Variants in SMC3 observed in about 807,000 individuals in gnomAD.
SMC3 encodes structural maintenance of chromosomes protein 3.
SMC3 carries 20 observed loss-of-function variants against 171.8 expected under a neutral mutation model. That is an observed-to-expected ratio of 0.12 (90% CI 0.08 to 0.17). The LOEUF is 0.17. Among genes scored for constraint, SMC3 ranks in the 10% least tolerant of loss-of-function variants. The pLI is 1.00. For missense variants in SMC3, 543 were observed against 1,420.4 expected (o/e 0.38, Z 9.93); for synonymous variants, 464 against 451.1 (o/e 1.03, Z -0.36).
chr10:110,596,369 CAGACCT>C, intron 18 of SMC3, 23 bp from the exon 19 acceptor site: 1 of 1,594,896 alleles, frequency 6.3e-7, no homozygotes, highest in South Asian at 1.1e-5. Flanking sequence ...AAAAGTTGTA[CAGACCT>C]ATTACATATG....
chr10:110,570,304 CTAA>C (rs1244692399), intron 2 of SMC3, among the ~76,000 whole-genome samples: 1 of 152,184 alleles, frequency 6.6e-6, no homozygotes, highest in African/African-American at 2.4e-5. Flanking sequence ...ATTCACATTA[CTAA>C]TGTTTCCAGA....
chr10:110,597,665 G>A (rs1861321292), intron 19 of SMC3, among the ~76,000 whole-genome samples: 1 of 152,216 alleles, frequency 6.6e-6, no homozygotes, highest in Non-Finnish European at 1.5e-5. Context: ...AAATACTGAG[G>A]AAAAGGAGGA....
In SMC3 at chr10:110,599,824, G is replaced by A. The variant is rs1339511823; in HGVS notation, c.2427+12G>A. On this transcript the variant is annotated intron_variant, in intron 21 of 28. Coordinates refer to ENST00000361804, the MANE Select transcript of SMC3 (RefSeq NM_005445.4). The stretch of plus-strand genomic sequence containing the variant: ...GTCAACTTCAGCAGGTAAGTAGACA[G>A]CTGACTGGAAAAAGAATTCGTTAGT... 2 of 1,613,466 alleles carry A rather than the reference G, an allele frequency of 1.2e-6. No homozygotes were observed. The highest frequency in any genetic ancestry group is 1.7e-6 in the Non-Finnish European group (2 of 1,179,572).
chr10:110,570,540 A>AT (rs1327716199), intron 2 of SMC3, among the ~76,000 whole-genome samples: 2 of 152,092 alleles, frequency 1.3e-5, no homozygotes, highest in South Asian at 4.1e-4. Context: ...GTACTTTCTG[A>AT]TTTTTTTCAT....
chr10:110,603,146 GA>G (rs753049863), intron 27 of SMC3, 37 bp from the exon 28 acceptor site: 26 of 1,555,922 alleles, frequency 1.7e-5, no homozygotes, highest in Non-Finnish European at 2.2e-5. Context: ...CAGATCTGCT[GA>G]AAAGAAATTT....
intron 6 of SMC3, 66 bp from the exon 7 acceptor site, chr10:110,578,562 T>C: frequency 8.7e-7 from 1 of 1,145,056 alleles, no homozygotes; most frequent in East Asian, 2.5e-5. Flanking sequence ...AAGGGGCTAC[T>C]CTACTCATTG....
chr10:110,589,879 TTTTA>T lies in SMC3; in HGVS notation c.1410-6_1410-3del, dbSNP rs546049291. The T allele has an allele frequency of 9.6e-5, 154 of 1,611,534 alleles. No individual in the cohort carries two copies. The African/African-American group carries it at 1.8e-3, about 19-fold the overall frequency. ...TGTTTAAAATTAAAGACAGTCTACT[TTTTA>T]TTTATTAGCTACTTGTGGAGAGAAG... On this transcript the variant is annotated splice_polypyrimidine_tract_variant and intron_variant, in intron 14 of 28. Transcript: ENST00000361804.
At chr10:110,584,458 A>G (rs1590557124) in intron 13 of SMC3, 62 bp downstream of exon 13, 1 of 1,186,466 alleles carries the variant, frequency 8.4e-7, no homozygotes, top group Non-Finnish European at 1.2e-6. Context: ...GTTTAGTTTT[A>G]TCTACTTCAA....
intron 8 of SMC3, among the ~76,000 whole-genome samples, chr10:110,581,497 A>T (rs1861029464): frequency 6.6e-6 from 1 of 152,088 alleles, no homozygotes; most frequent in African/African-American, 2.4e-5. Flanking sequence ...GGGATTACTC[A>T]TGAGCCACTG....
chr10:110,601,925 A>G (rs751227104), intron 24 of SMC3, 41 bp downstream of exon 24: 2 of 1,610,828 alleles, frequency 1.2e-6, no homozygotes, highest in East Asian at 4.5e-5. Context: ...ATTGCTCAGT[A>G]TATAAATTTA....
chr10:110,600,298 A>T, intron 21 of SMC3, 141 bp from the exon 22 acceptor site: 1 of 639,878 alleles, frequency 1.6e-6, no homozygotes, highest in African/African-American at 1.8e-5. Context: ...TGAAGAAAGT[A>T]TAGGGCTTTT....
chr10:110,596,652 TG>T, intron 19 of SMC3, 102 bp downstream of exon 19: 1 of 1,157,700 alleles, frequency 8.6e-7, no homozygotes, highest in South Asian at 1.5e-5. Context: ...AAAAATTTCT[TG>T]TGTTTTAAGT....
At chr10:110,589,548 T>G in intron 13 of SMC3, 57 bp from the exon 14 acceptor site, 1 of 1,117,636 alleles carries the variant, frequency 8.9e-7, no homozygotes, top group Non-Finnish European at 1.3e-6. Context: ...ATCTGCTTTC[T>G]ATCAGTGTAG....
chr10:110,595,632 A>C (rs1017185523), intron 18 of SMC3, among the ~76,000 whole-genome samples: 1 of 152,206 alleles, frequency 6.6e-6, no homozygotes, highest in African/African-American at 2.4e-5. Context: ...GGGGGTTTCA[A>C]AATGGTGATT....
Position 110,605,670 on chromosome 10 carries a change from G to T in SMC3, c.*1368G>T, listed in dbSNP as rs997037033. Among the ~76,000 whole-genome samples the T allele has an allele frequency of 2.0e-5, 3 of 152,112 alleles. No individual in the cohort carries two copies. Among genetic ancestry groups the T allele is most frequent in the Admixed American group, 6.5e-5 (1 of 15,270 alleles). ...TTTGTAGCTTTGCTATAACATAACT[G>T]ATCTATAATAGAGAATTTGGTATAT... On this transcript the variant is annotated 3_prime_UTR_variant, in exon 29 of 29. Transcript: ENST00000361804.
chr10:110,587,025 GTA>G (rs1861130767), intron 13 of SMC3, among the ~76,000 whole-genome samples: 1 of 152,144 alleles, frequency 6.6e-6, no homozygotes, highest in Admixed American at 6.5e-5. Context: ...AAAACCTGCA[GTA>G]TGAAAAATAA....
rs1468583540 is a variant in SMC3 at position 110,604,906 on chromosome 10, A to G, written c.*604A>G. 6.6e-6 allele frequency among the ~76,000 whole-genome samples: 1 copy of G among 152,230 alleles called. No individual in the cohort carries two copies. On this transcript the variant is annotated 3_prime_UTR_variant, in exon 29 of 29. Transcript: ENST00000361804. Reference sequence around the variant, plus strand: ...TTCAGATTTGACTAGTTTTTCCACTAAGGCCCTTTTTCTTTTCTAGGATCC... The same window carrying G: ...TTCAGATTTGACTAGTTTTTCCACTGAGGCCCTTTTTCTTTTCTAGGATCC...
chr10:110,594,886 A>G (rs1305834263), intron 18 of SMC3, among the ~76,000 whole-genome samples: 2 of 152,186 alleles, frequency 1.3e-5, no homozygotes, highest in Non-Finnish European at 1.5e-5. Flanking sequence ...GAAATTTAAC[A>G]TTAACCTAAT....
In SMC3 at chr10:110,595,206, C is replaced by G. The variant is rs150326587; in HGVS notation, c.1964-1192C>G. ...TGTTGGTCAGGCTGGTCTCGAACTC[C>G]TGACCTCAGGTGATCTGCCTGCCTC... On this transcript the variant is annotated intron_variant, in intron 18 of 28. Transcript: ENST00000361804. Among the ~76,000 whole-genome samples, 764 of 152,162 alleles carry G rather than the reference C, an allele frequency of 5.0e-3. 6 individuals carry two copies. Among genetic ancestry groups the G allele is most frequent in the African/African-American group, 0.017 (720 of 41,512 alleles).
Sources: allele counts gnomAD v4.1 joint callset (sites outside exome capture counted in the v4.1 genomes callset), GRCh38; gene constraint gnomAD v4.1.1; transcripts MANE v1.5; gene names NCBI Gene and HGNC (gene_info 2026-07-23, HGNC 2026-07-21).